The following SORBS2 variants were observed in gnomAD, a reference collection of about 807,000 sequenced individuals.
The protein encoded by SORBS2 is sorbin and SH3 domain containing 2.
A neutral mutation model predicts 97.7 loss-of-function variants in SORBS2; 46 were observed. The ratio of observed to expected loss-of-function variants is 0.47; its 90% CI spans 0.37 to 0.60. SORBS2 has a LOEUF of 0.60. SORBS2 is among the 20% of genes least tolerant of loss of function. The pLI, the probability that SORBS2 is intolerant of heterozygous loss-of-function variation, is 0.00. For missense variants in SORBS2, 1,316 were observed against 1,282.3 expected, an observed-to-expected ratio of 1.03 and a Z score of -0.40; for synonymous variants, 476 against 473.4, an observed-to-expected ratio of 1.01 and a Z score of -0.07.
chr4:185,904,767 T>C (rs1375647903), intron 1 of SORBS2, among the ~76,000 whole-genome samples: 2 of 152,086 alleles, frequency 1.3e-5, no homozygotes, highest in Non-Finnish European at 2.9e-5. Flanking sequence ...GCTCAGGACA[T>C]CAAACGAGAC....
intron 13 of SORBS2, among the ~76,000 whole-genome samples, chr4:185,590,107 GT>G (rs2153354908): frequency 6.6e-6 from 1 of 152,288 alleles, no homozygotes; most frequent in East Asian, 1.9e-4. Flanking sequence ...CCGCATTTCA[GT>G]TGTCCAGCCA....
chr4:185,907,464 G>C (rs2099251669), intron 1 of SORBS2, among the ~76,000 whole-genome samples: 1 of 152,224 alleles, frequency 6.6e-6, no homozygotes, highest in Non-Finnish European at 1.5e-5. Context: ...TAACATAATT[G>C]TCATGTTTCC....
chr4:185,639,852 A>G (rs2097097155), intron 4 of SORBS2, among the ~76,000 whole-genome samples: 1 of 152,194 alleles, frequency 6.6e-6, no homozygotes, highest in South Asian at 2.1e-4. Context: ...ATTCTTAAAG[A>G]AACTCAGGGA....
At chr4:185,882,843 T>G (rs961573531) in intron 1 of SORBS2, among the ~76,000 whole-genome samples, 5 of 152,176 alleles carry the variant, frequency 3.3e-5, no homozygotes, top group African/African-American at 9.6e-5. Flanking sequence ...AACACATAAT[T>G]CTGGAGCTTG....
chr4:185,679,961 C>T (rs1362349543), intron 2 of SORBS2, among the ~76,000 whole-genome samples: 1 of 152,142 alleles, frequency 6.6e-6, no homozygotes, highest in African/African-American at 2.4e-5. Context: ...TGTGAGTCAG[C>T]ACAGAGTACA....
chr4:185,791,589 C>T (rs1032831440), intron 1 of SORBS2, among the ~76,000 whole-genome samples: 1 of 151,998 alleles, frequency 6.6e-6, no homozygotes, highest in Non-Finnish European at 1.5e-5. Flanking sequence ...TTTTCTTACT[C>T]TAAGTGCCTC....
rs532249405 is a variant in SORBS2, at chr4:185,748,134, G to T, written c.-198+27093C>A. Among the ~76,000 whole-genome samples, 19 of 152,272 alleles carry T rather than the reference G, an allele frequency of 1.2e-4. No homozygotes were observed. In the East Asian group the frequency reaches 3.3e-3, roughly 26 times the overall value. On this transcript the variant is annotated intron_variant, in intron 2 of 20. Transcript: ENST00000284776. ...TTTTCGGGTGGCCCACTGTAAGGTA[G>T]AGAGCCCTGCTCTTGGTGACTTGCT... is the stretch of plus-strand genomic sequence containing the variant.
At chr4:185,791,109 G>A (rs1311192811) in intron 1 of SORBS2, among the ~76,000 whole-genome samples, 1 of 152,078 alleles carries the variant, frequency 6.6e-6, no homozygotes, top group Non-Finnish European at 1.5e-5. Context: ...TACTAATTTG[G>A]GAAAGTATGC....
intron 4 of SORBS2, among the ~76,000 whole-genome samples, chr4:185,630,813 T>A (rs532847806): frequency 6.6e-6 from 1 of 152,226 alleles, no homozygotes; most frequent in Non-Finnish European, 1.5e-5. Context: ...TATAATGCAT[T>A]GCAGTTCTCT....
intron 1 of SORBS2, among the ~76,000 whole-genome samples, chr4:185,911,507 G>A (rs564176466): frequency 6.6e-6 from 1 of 152,186 alleles, no homozygotes; most frequent in African/African-American, 2.4e-5. Context: ...TTATAAGCAT[G>A]AGCCACCACG....
intron 1 of SORBS2, among the ~76,000 whole-genome samples, chr4:185,789,950 A>G (rs1226135869): frequency 6.6e-6 from 1 of 152,194 alleles, no homozygotes; most frequent in Non-Finnish European, 1.5e-5. Context: ...TTTCCAAATC[A>G]ACTGGAGCAG....
At chr4:185,773,256 C>T (rs193178862) in intron 2 of SORBS2, 130 of 152,382 alleles carry the variant, frequency 8.5e-4, no homozygotes, top group African/African-American at 2.9e-3. Flanking sequence ...TAGACGCACC[C>T]CATCCCCCCA....
chr4:185,825,266 C>T (rs541394705), intron 1 of SORBS2, among the ~76,000 whole-genome samples: 11 of 99,076 alleles, frequency 1.1e-4, no homozygotes, highest in African/African-American at 3.5e-4. Context: ...AGTGCAATAA[C>T]AGTCAATGTA....
intron 1 of SORBS2, among the ~76,000 whole-genome samples, chr4:185,829,311 A>C (rs571114796): frequency 1.1e-4 from 17 of 152,156 alleles, no homozygotes; most frequent in Non-Finnish European, 1.8e-4. Flanking sequence ...TATCTTCCCT[A>C]TCCTTGTACT....
intron 2 of SORBS2, among the ~76,000 whole-genome samples, chr4:185,694,049 GT>G (rs569093383): frequency 1.3e-5 from 2 of 152,176 alleles, no homozygotes; most frequent in Non-Finnish European, 2.9e-5. Flanking sequence ...AAGAATCCCA[GT>G]GATTGAGCTC....
At chr4:185,691,567 A>G (rs561379987) in intron 2 of SORBS2, among the ~76,000 whole-genome samples, 1 of 152,046 alleles carries the variant, frequency 6.6e-6, no homozygotes, top group Non-Finnish European at 1.5e-5. Flanking sequence ...TATTTTCAGG[A>G]CACTGTCAAG....
rs544211866 is a variant in SORBS2 at position 185,731,866 on chromosome 4, CTATATATATATATATA to C, written c.-198+43345_-198+43360del. Among the ~76,000 whole-genome samples, 99 of 24,652 alleles carry C rather than the reference CTATATATATATATATA, an allele frequency of 4.0e-3. 1 individual carries two copies. Among genetic ancestry groups the C allele is most frequent in the African/African-American group, 7.8e-3 (44 of 5,640 alleles). 16.2% of individuals were successfully genotyped at this position (24,652 alleles called of 152,430 possible). ...TCTCTCTCTCTCTCTCTCTCTCTCT[CTATATATATATATATA>C]TATATATATATATATATATATATAT... On this transcript the variant is annotated intron_variant, in intron 2 of 20. Coordinates refer to the SORBS2 transcript ENST00000284776.
At chr4:185,625,803 C>T (rs1385461192) in intron 6 of SORBS2, among the ~76,000 whole-genome samples, 3 of 152,226 alleles carry the variant, frequency 2.0e-5, no homozygotes, top group African/African-American at 7.2e-5. Context: ...TACTCAGAGT[C>T]CAATCATCAC....
chr4:185,645,006 A>T lies in SORBS2; in HGVS notation c.396+1662T>A, dbSNP rs190146037. On this transcript the variant is annotated intron_variant, in intron 4 of 14. Transcript: ENST00000418609. ...AGACTTGAAGTTCCTCAAGGTAGAG[A>T]GTGTGTCCTGTTCCCCGCTGTGCAC... Among the ~76,000 whole-genome samples, 54 of 152,230 alleles carry T rather than the reference A, an allele frequency of 3.5e-4. No individual in the cohort carries two copies. In the East Asian group the frequency reaches 4.8e-3, roughly 14 times the overall value.
Sources: gnomAD v4.1 joint callset for allele counts (sites outside exome capture counted in the v4.1 genomes callset) on GRCh38, gnomAD v4.1.1 for gene constraint, MANE v1.5 for transcripts, NCBI Gene and HGNC (gene_info 2026-07-23, HGNC 2026-07-21) for gene names.